Variants in AVL9 observed in about 807,000 individuals in gnomAD.
The protein encoded by AVL9 is AVL9 cell migration associated.
A neutral mutation model predicts 79.2 loss-of-function variants in AVL9; 49 were observed. That is an observed-to-expected ratio of 0.62 (90% CI 0.49 to 0.79). The LOEUF (loss-of-function observed/expected upper bound fraction) is 0.79, where lower values mean the gene tolerates loss of function less well. AVL9 is among the 30% of genes least tolerant of loss of function. The pLI, the probability that AVL9 is intolerant of heterozygous loss-of-function variation, is 0.00. For missense variants in AVL9, 682 were observed against 776.8 expected, an observed-to-expected ratio of 0.88 and a Z score of 1.45; for synonymous variants, 299 against 280.6, an observed-to-expected ratio of 1.07 and a Z score of -0.65.
chr7:32,528,475 C>A (rs1039402590), intron 1 of AVL9, among the ~76,000 whole-genome samples: 1 of 152,168 alleles, frequency 6.6e-6, no homozygotes, highest in Non-Finnish European at 1.5e-5. Flanking sequence ...AGTAACAATT[C>A]TGGCAACCCA....
intron 4 of AVL9, 103 bp downstream of exon 4, chr7:32,549,021 A>G: frequency 1.5e-6 from 1 of 667,442 alleles, no homozygotes. Flanking sequence ...ATGACATATT[A>G]AAATTATTTA....
intron 10 of AVL9, among the ~76,000 whole-genome samples, chr7:32,566,540 T>TTTA (rs1790576851): frequency 6.6e-6 from 1 of 151,534 alleles, no homozygotes; most frequent in Non-Finnish European, 1.5e-5. Flanking sequence ...AGTATATAAA[T>TTTA]ACTAATATTT....
chr7:32,572,801 C>CAAAAAAAAAAAAAAAAAAAAAA (rs3080635), intron 11 of AVL9, among the ~76,000 whole-genome samples: 1 of 93,436 alleles, frequency 1.1e-5, no homozygotes, highest in African/African-American at 5.0e-5. Context: ...GACTCCGTCT[C>CAAAAAAAAAAAAAAAAAAAAAA]AAAAAAAAAA....
intron 1 of AVL9, among the ~76,000 whole-genome samples, chr7:32,498,437 A>G (rs1470344248): frequency 3.3e-5 from 5 of 151,770 alleles, no homozygotes; most frequent in Non-Finnish European, 5.9e-5. Context: ...TTTGGTAGAG[A>G]CGGGGTTTCA....
At chr7:32,514,548 G>A (rs368923325) in intron 1 of AVL9, among the ~76,000 whole-genome samples, 94 of 152,220 alleles carry the variant, frequency 6.2e-4, no homozygotes, top group African/African-American at 2.1e-3. Context: ...GCCCTGCCCC[G>A]CCTTAACTGA....
At position 32,585,735 on chromosome 7, in the gene AVL9, A is replaced by G. The variant is rs1043536104; in HGVS notation, c.*1828A>G. 1 of 152,256 alleles carries G rather than the reference A, an allele frequency of 6.6e-6. No homozygotes were observed. Among genetic ancestry groups the G allele is most frequent in the African/African-American group, 2.4e-5 (1 of 41,476 alleles). The allele number at this position is 152,256 out of a possible 1,614,324, so 9.4% of individuals were successfully genotyped here. A position where few individuals can be genotyped will look rare whatever the true frequency, so the allele number is the denominator to read the frequency against. The stretch of plus-strand genomic sequence containing the variant: ...GTATTACTCATTTGAGCATAACTCA[A>G]GAATTCAGCGATGATAAATTGAAGG... On this transcript the variant is annotated 3_prime_UTR_variant, in exon 16 of 16. Coordinates refer to ENST00000318709, the MANE Select transcript of AVL9 (RefSeq NM_015060.3).
At chr7:32,581,369 G>A in intron 15 of AVL9, 1 of 152,920 alleles carries the variant, frequency 6.5e-6, no homozygotes, top group Non-Finnish European at 1.5e-5. Flanking sequence ...GATGAAAGAG[G>A]GACATTACTG....
intron 10 of AVL9, among the ~76,000 whole-genome samples, chr7:32,567,620 C>A (rs973580115): frequency 1.3e-5 from 2 of 152,140 alleles, no homozygotes; most frequent in African/African-American, 4.8e-5. Flanking sequence ...TATGCAGAAA[C>A]AAATGCATAT....
At chr7:32,533,399 A>G (rs1013278267) in intron 1 of AVL9, 1 of 152,272 alleles carries the variant, frequency 6.6e-6, no homozygotes, top group Non-Finnish European at 1.5e-5. Flanking sequence ...ATTTCTGAAC[A>G]TCTAATGCAG....
At chr7:32,542,566 GA>G (rs972379408) in intron 1 of AVL9, among the ~76,000 whole-genome samples, 1 of 151,694 alleles carries the variant, frequency 6.6e-6, no homozygotes, top group East Asian at 1.9e-4. Context: ...AAAGAAAAAA[GA>G]AAAAAAGAAG....
intron 13 of AVL9, 23 bp from the exon 14 acceptor site, chr7:32,580,179 GGTAAAATACTGATAGTT>G: frequency 6.6e-7 from 1 of 1,507,882 alleles, no homozygotes. Context: ...CAGCCTTTTT[GGTAAAATACTGATAGTT>G]TAAACTCAAA....
intron 13 of AVL9, among the ~76,000 whole-genome samples, chr7:32,579,891 A>C (rs758937751): frequency 1.1e-4 from 16 of 151,742 alleles, no homozygotes; most frequent in Admixed American, 3.3e-4. Flanking sequence ...CTTGTAAAAA[A>C]TGTGTTGATG....
chr7:32,510,454 A>T (rs1302196990), intron 1 of AVL9, among the ~76,000 whole-genome samples: 9 of 146,910 alleles, frequency 6.1e-5, no homozygotes, highest in African/African-American at 2.3e-4. Context: ...CCCCAGTATG[A>T]GGGAAGCCAT....
intron 1 of AVL9, among the ~76,000 whole-genome samples, chr7:32,518,468 GAAAA>G (rs1788002564): frequency 6.6e-6 from 1 of 151,682 alleles, no homozygotes; most frequent in East Asian, 1.9e-4. Flanking sequence ...TATATTGTAG[GAAAA>G]CATTGTTTCA....
chr7:32,549,286 G>A (rs969982302), intron 4 of AVL9, among the ~76,000 whole-genome samples: 77 of 150,458 alleles, frequency 5.1e-4, no homozygotes, highest in South Asian at 6.3e-4. Flanking sequence ...GTGTGGTGGC[G>A]TGACCTTGGC....
rs567768450 is a variant in AVL9 at position 32,577,844 on chromosome 7, A to G, written c.1688+1772A>G. ...TGTTAACTGAAATATATAGGTAGGG[A>G]AATCATGCAGATATGATAGTGCAGG... On this transcript the variant is annotated intron_variant, in intron 13 of 15. Transcript: ENST00000318709. Among the ~76,000 whole-genome samples the G allele has an allele frequency of 4.0e-3, 603 of 152,330 alleles. 3 individuals are homozygous for G. Among genetic ancestry groups the G allele is most frequent in the Non-Finnish European group, 7.0e-3 (479 of 68,040 alleles).
At chr7:32,574,795 A>C (rs1415400745) in intron 12 of AVL9, among the ~76,000 whole-genome samples, 5 of 152,218 alleles carry the variant, frequency 3.3e-5, no homozygotes, top group Admixed American at 6.5e-5. Context: ...TAACAAGGTC[A>C]AAAGAGGAAA....
intron 10 of AVL9, among the ~76,000 whole-genome samples, chr7:32,565,936 A>G (rs1189661609): frequency 2.0e-5 from 3 of 148,552 alleles, no homozygotes; most frequent in African/African-American, 7.4e-5. Flanking sequence ...TGAACCCGGG[A>G]GGCGGAGGTT....
chr7:32,497,750 C>T (rs1786917721), intron 1 of AVL9, among the ~76,000 whole-genome samples: 1 of 151,138 alleles, frequency 6.6e-6, no homozygotes, highest in African/African-American at 2.4e-5. Flanking sequence ...CTCCTGGGTT[C>T]ACACCATTCT....
Sources: allele counts gnomAD v4.1 joint callset (sites outside exome capture counted in the v4.1 genomes callset), GRCh38; gene constraint gnomAD v4.1.1; transcripts MANE v1.5; gene names NCBI Gene and HGNC (gene_info 2026-07-23, HGNC 2026-07-21).